The following TRPM8 variants were observed in gnomAD, a reference collection of about 807,000 sequenced individuals.
TRPM8 encodes the protein TRPM8 cationic channel.
A neutral mutation model predicts 133.7 loss-of-function variants in TRPM8; 110 were observed. That is an observed-to-expected ratio of 0.82 (90% confidence interval 0.70 to 0.96). TRPM8 has a LOEUF of 0.96. TRPM8 is among the 40% of genes least tolerant of loss of function. The pLI is 0.00. For missense variants in TRPM8, 1,291 were observed against 1,379.5 expected (o/e 0.94, Z 1.02); for synonymous variants, 535 against 532.3 (o/e 1.01, Z -0.07).
At chr2:233,949,841 T>TAG in intron 8 of TRPM8, 108 bp from the exon 9 acceptor site, 1 of 906,362 alleles carries the variant, frequency 1.1e-6, no homozygotes, top group Non-Finnish European at 1.7e-6. Flanking sequence ...GGAAAACGTG[T>TAG]AGGGATGTGT....
intron 13 of TRPM8, among the ~76,000 whole-genome samples, 180 bp downstream of exon 13, chr2:233,963,557 C>T (rs964763285): frequency 6.6e-6 from 1 of 152,136 alleles, no homozygotes; most frequent in Admixed American, 6.6e-5. Flanking sequence ...GGACCGTCCC[C>T]GGAAAGTAGT....
intron 8 of TRPM8, among the ~76,000 whole-genome samples, chr2:233,949,218 C>T (rs964802521): frequency 2.6e-5 from 4 of 152,172 alleles, no homozygotes; most frequent in African/African-American, 9.7e-5. Context: ...CACCACACAT[C>T]TGGCTTCCTG....
intron 9 of TRPM8, among the ~76,000 whole-genome samples, chr2:233,952,525 T>C (rs1691193799): frequency 6.6e-6 from 1 of 151,828 alleles, no homozygotes; most frequent in African/African-American, 2.4e-5. Context: ...GAGGCACGCC[T>C]GAGGAGTGAA....
intron 2 of TRPM8, among the ~76,000 whole-genome samples, chr2:233,928,433 T>C (rs965969889): frequency 9.2e-5 from 14 of 152,168 alleles, no homozygotes; most frequent in Admixed American, 8.5e-4. Context: ...TTTTGCCCCC[T>C]AAGCACATGC....
At chr2:233,999,158 G>A (rs1692484989) in intron 22 of TRPM8, among the ~76,000 whole-genome samples, 1 of 152,046 alleles carries the variant, frequency 6.6e-6, no homozygotes, top group African/African-American at 2.4e-5. Context: ...GCAGGGCAGG[G>A]CAGGGCAGGG....
At chr2:233,954,190 C>G (rs1399631628) in intron 10 of TRPM8, among the ~76,000 whole-genome samples, 171 bp downstream of exon 10, 3 of 152,174 alleles carry the variant, frequency 2.0e-5, no homozygotes, top group Non-Finnish European at 4.4e-5. Context: ...TGAGGTGAAT[C>G]TCCTTGGTTG....
At chr2:234,009,054 G>T (rs1480935408) in intron 24 of TRPM8, among the ~76,000 whole-genome samples, 3 of 152,154 alleles carry the variant, frequency 2.0e-5, no homozygotes, top group African/African-American at 7.2e-5. Flanking sequence ...GGGGAGTCTG[G>T]GTTATTCTGC....
chr2:233,966,462 T>G, intron 14 of TRPM8, 148 bp from the exon 15 acceptor site: 1 of 949,102 alleles, frequency 1.1e-6, no homozygotes, highest in Non-Finnish European at 1.6e-6. Flanking sequence ...ACAAATTGTG[T>G]TGTGATGGCA....
At chr2:233,930,629 T>A (rs984910576) in intron 2 of TRPM8, 39 bp from the exon 3 acceptor site, 2 of 1,406,270 alleles carry the variant, frequency 1.4e-6, no homozygotes, top group African/African-American at 2.8e-5. Flanking sequence ...GGGGTGAGAA[T>A]AAATTAGTAA....
chr2:233,985,128 A>G (rs1248274345), intron 20 of TRPM8, among the ~76,000 whole-genome samples: 1 of 150,990 alleles, frequency 6.6e-6, no homozygotes, highest in Admixed American at 6.6e-5. Flanking sequence ...TGCTCCGTGC[A>G]CATCTTATTC....
chr2:233,937,616 T>C, intron 4 of TRPM8, 107 bp downstream of exon 4: 1 of 1,268,072 alleles, frequency 7.9e-7, no homozygotes, highest in Non-Finnish European at 1.1e-6. Flanking sequence ...GAGAGATGGG[T>C]AGTAAACACC....
chr2:233,971,997 T>C (rs1450248403), intron 17 of TRPM8, among the ~76,000 whole-genome samples: 1 of 152,132 alleles, frequency 6.6e-6, no homozygotes, highest in Non-Finnish European at 1.5e-5. Context: ...ACCAAGGTTC[T>C]CCAGGTCCCC....
rs1692055805 is a variant in TRPM8 at position 233,983,188 on chromosome 2, C to T, written c.2725C>T (p.Leu909=). The T allele has an allele frequency of 6.2e-7, 1 of 1,614,098 alleles. No homozygotes were observed. ...CCGTTCGGTCATCTACGAGCCCTAC[C>T]TGGCCATGTTCGGCCAGGTGCCCAG... ...IFRSVIYEPY[L]AMFGQVPSDV... Residue 909 remains leucine (L), a synonymous_variant, in exon 20 of 26, where the codon CTG becomes TTG. Coordinates refer to ENST00000324695, the MANE Select transcript of TRPM8 (RefSeq NM_024080.5).
chr2:233,921,034 T>C (rs1691395182), intron 1 of TRPM8, among the ~76,000 whole-genome samples: 1 of 151,878 alleles, frequency 6.6e-6, no homozygotes, highest in Non-Finnish European at 1.5e-5. Flanking sequence ...TTTTTTGGTA[T>C]TTTTTTAATA....
At chr2:233,926,278 C>A (rs986961856) in intron 1 of TRPM8, among the ~76,000 whole-genome samples, 4 of 151,988 alleles carry the variant, frequency 2.6e-5, no homozygotes. Context: ...AGAGGGGGTG[C>A]CCAGGAGGGG....
intron 22 of TRPM8, among the ~76,000 whole-genome samples, chr2:234,005,778 G>A (rs891733737): frequency 1.3e-5 from 2 of 152,000 alleles, no homozygotes; most frequent in African/African-American, 4.8e-5. Context: ...GGGTTTGGTG[G>A]TATGCGCTTG....
chr2:234,000,530 G>T (rs1454440652), intron 22 of TRPM8, among the ~76,000 whole-genome samples: 1 of 152,134 alleles, frequency 6.6e-6, no homozygotes, highest in South Asian at 2.1e-4. Context: ...CAGTCAGGGA[G>T]GAAAAATATC....
In TRPM8 at chr2:234,019,039, A is replaced by G. The variant is rs1693028999; in HGVS notation, c.*1783A>G. 1 of 152,078 alleles carries G rather than the reference A, an allele frequency of 6.6e-6. No individual in the cohort carries two copies. 9.4% of individuals were successfully genotyped at this position (152,078 alleles called of 1,614,324 possible). ...TTTCTCAGCTTTGAATACACTATAA[A>G]CTCACTGGCTGAAGGAGGAAATTTT... On this transcript the variant is annotated 3_prime_UTR_variant, in exon 26 of 26. Coordinates refer to ENST00000324695, the MANE Select transcript of TRPM8 (RefSeq NM_024080.5).
At chr2:233,930,840 T>A in intron 3 of TRPM8, 99 bp downstream of exon 3, 1 of 735,376 alleles carries the variant, frequency 1.4e-6, no homozygotes, top group East Asian at 2.6e-5. Context: ...TTATTAAAGA[T>A]GTCTTCGTCT....
Sources: allele counts gnomAD v4.1 joint callset (sites outside exome capture counted in the v4.1 genomes callset), GRCh38; gene constraint gnomAD v4.1.1; transcripts MANE v1.5; gene names NCBI Gene and HGNC (gene_info 2026-07-23, HGNC 2026-07-21).